Variants in PDZD2 observed in about 807,000 individuals in gnomAD.
The protein encoded by PDZD2 is PDZ domain-containing protein 2.
Under a neutral mutation model 220.7 loss-of-function variants are expected in PDZD2, and 90 were observed. The ratio of observed to expected loss-of-function variants is 0.41; its 90% confidence interval spans 0.34 to 0.49. The LOEUF (loss-of-function observed/expected upper bound fraction) is 0.49. Ranked by LOEUF, PDZD2 falls within the 20% of genes least tolerant of loss-of-function variation. The probability of loss-of-function intolerance (pLI) is 0.28; values close to 1 mark genes in which losing one functional copy is unlikely to be tolerated. For missense variants in PDZD2, 3,174 were observed against 3,608.5 expected, an observed-to-expected ratio of 0.88 and a Z score of 3.08; for synonymous variants, 1,375 against 1,450.5, an observed-to-expected ratio of 0.95 and a Z score of 1.18.
At chr5:31,704,743 C>A (rs766267674) in intron 1 of PDZD2, among the ~76,000 whole-genome samples, 8 of 152,166 alleles carry the variant, frequency 5.3e-5, no homozygotes, top group Non-Finnish European at 7.3e-5. Context: ...ACTCCCCTCA[C>A]CTAAATTAAG....
At chr5:31,872,239 G>C (rs1738887963) in intron 2 of PDZD2, among the ~76,000 whole-genome samples, 1 of 151,676 alleles carries the variant, frequency 6.6e-6, no homozygotes, top group Non-Finnish European at 1.5e-5. Flanking sequence ...AAGGTGGTAG[G>C]GCAGTCTAGA....
At chr5:31,691,471 C>CACCTGCTTTTATTCTCTTATG (rs1330967783) in intron 1 of PDZD2, among the ~76,000 whole-genome samples, 21 of 123,288 alleles carry the variant, frequency 1.7e-4, no homozygotes, top group Middle Eastern at 8.3e-3. Context: ...ATTCTCTTAC[C>CACCTGCTTTTATTCTCTTATG]TGGCGCCACC....
At chr5:32,032,366 G>A (rs1233064873) in intron 6 of PDZD2, among the ~76,000 whole-genome samples, 1 of 152,068 alleles carries the variant, frequency 6.6e-6, no homozygotes, top group African/African-American at 2.4e-5. Context: ...AATCTGCCTC[G>A]GAATCAGACC....
At chr5:31,828,345 G>A (rs946219106) in intron 2 of PDZD2, among the ~76,000 whole-genome samples, 2 of 152,224 alleles carry the variant, frequency 1.3e-5, no homozygotes, top group Non-Finnish European at 2.9e-5. Flanking sequence ...GCCAACACTT[G>A]TGACCTGTCT....
chr5:32,015,462 G>A (rs1237139764), intron 6 of PDZD2, among the ~76,000 whole-genome samples: 2 of 151,944 alleles, frequency 1.3e-5, no homozygotes, highest in African/African-American at 4.8e-5. Context: ...ATGTTGCCCA[G>A]CCTGGTTTCA....
At chr5:31,713,223 A>G (rs1262312946) in intron 1 of PDZD2, among the ~76,000 whole-genome samples, 2 of 152,130 alleles carry the variant, frequency 1.3e-5, no homozygotes, top group African/African-American at 2.4e-5. Context: ...TGTTTTCCCA[A>G]ATGCCCTGTT....
intron 4 of PDZD2, among the ~76,000 whole-genome samples, chr5:31,997,666 A>T (rs530209484): frequency 1.2e-4 from 18 of 151,922 alleles, no homozygotes; most frequent in African/African-American, 4.4e-4. Context: ...GTTCTTGTCT[A>T]TTTTCCATCT....
chr5:31,715,685 GAAC>G (rs1250507594), intron 1 of PDZD2, among the ~76,000 whole-genome samples: 1 of 152,192 alleles, frequency 6.6e-6, no homozygotes, highest in Non-Finnish European at 1.5e-5. Context: ...CAATTGCTAA[GAAC>G]AACAGCAGTA....
chr5:31,998,927 G>A (rs1751870977), intron 4 of PDZD2, among the ~76,000 whole-genome samples: 1 of 152,238 alleles, frequency 6.6e-6, no homozygotes, highest in South Asian at 2.1e-4. Context: ...AGCCATGTCT[G>A]GCTCCTTTGG....
intron 2 of PDZD2, among the ~76,000 whole-genome samples, chr5:31,883,050 GC>G (rs1435963654): frequency 8.8e-6 from 1 of 113,888 alleles, no homozygotes; most frequent in Non-Finnish European, 1.8e-5. Flanking sequence ...AAAAAAAAAG[GC>G]CCAGGGGGCA....
At chr5:32,060,792 A>G (rs1424494244) in intron 13 of PDZD2, among the ~76,000 whole-genome samples, 4 of 152,224 alleles carry the variant, frequency 2.6e-5, no homozygotes, top group Admixed American at 2.6e-4. Flanking sequence ...AATGCCAGTA[A>G]ATATGCATAA....
chr5:32,025,213 G>C (rs1036834661), intron 6 of PDZD2, among the ~76,000 whole-genome samples: 1 of 152,198 alleles, frequency 6.6e-6, no homozygotes, highest in Non-Finnish European at 1.5e-5. Context: ...GAAGGCCAGA[G>C]AGTGCTGCCT....
intron 2 of PDZD2, among the ~76,000 whole-genome samples, chr5:31,857,528 C>T (rs1328747719): frequency 6.6e-6 from 1 of 152,170 alleles, no homozygotes; most frequent in African/African-American, 2.4e-5. Flanking sequence ...TTGGAAATCC[C>T]TTTCTCTCAG....
At chr5:31,840,071 T>C (rs1385643822) in intron 2 of PDZD2, among the ~76,000 whole-genome samples, 1 of 151,680 alleles carries the variant, frequency 6.6e-6, no homozygotes, top group East Asian at 1.9e-4. Flanking sequence ...TACCAAAAAA[T>C]ACAGAAATTA....
intron 1 of PDZD2, among the ~76,000 whole-genome samples, chr5:31,645,022 G>A (rs1200446133): frequency 6.6e-6 from 1 of 152,170 alleles, no homozygotes; most frequent in Non-Finnish European, 1.5e-5. Context: ...ATAATAGCAA[G>A]GAGATGGGGG....
chr5:31,822,834 G>A, intron 2 of PDZD2: 1 of 815,734 alleles, frequency 1.2e-6, no homozygotes, highest in Non-Finnish European at 2.1e-6. Context: ...TAATGATGTT[G>A]ATGGGGAAGT....
chr5:31,868,816 G>A (rs1214602872), intron 2 of PDZD2, among the ~76,000 whole-genome samples: 1 of 152,190 alleles, frequency 6.6e-6, no homozygotes, highest in African/African-American at 2.4e-5. Flanking sequence ...CTTTCACCCA[G>A]GCTGGAGTGC....
At chr5:31,900,927 G>C (rs748991211) in intron 2 of PDZD2, among the ~76,000 whole-genome samples, 4 of 152,114 alleles carry the variant, frequency 2.6e-5, no homozygotes, top group Non-Finnish European at 4.4e-5. Context: ...CTAAAAGTGA[G>C]TTTCCTAAAT....
chr5:31,793,892 G>C (rs1345952555), intron 1 of PDZD2, among the ~76,000 whole-genome samples: 3 of 152,150 alleles, frequency 2.0e-5, no homozygotes, highest in Non-Finnish European at 4.4e-5. Context: ...GTCTCTTCGT[G>C]CTAACTCATG....
Sources: gnomAD v4.1 joint callset for allele counts (sites outside exome capture counted in the v4.1 genomes callset) on GRCh38, gnomAD v4.1.1 for gene constraint, MANE v1.5 for transcripts, NCBI Gene and HGNC (gene_info 2026-07-23, HGNC 2026-07-21) for gene names.